The following SGSM2 variants were observed in gnomAD, a reference collection of about 807,000 sequenced individuals.
The protein encoded by SGSM2 is RUN and TBC1 domain containing 1.
SGSM2 carries 89 observed loss-of-function variants against 126.6 expected under a neutral mutation model. That is an observed-to-expected ratio of 0.70 (90% CI 0.59 to 0.84). The LOEUF (loss-of-function observed/expected upper bound fraction) is 0.84, where lower values mean the gene tolerates loss of function less well. SGSM2 is among the 40% of genes least tolerant of loss of function. SGSM2 has a pLI of 0.00. For synonymous variants in SGSM2, 614 were observed against 574.3 expected, an observed-to-expected ratio of 1.07 and a Z score of -0.99; for missense variants, 1,404 against 1,416.6, an observed-to-expected ratio of 0.99 and a Z score of 0.14.
rs2064136038 is a variant in SGSM2, at chr17:2,337,651, G to A, written c.-38G>A. The stretch of plus-strand genomic sequence containing the variant: ...GGCGCGGAGGCGGCGAGGGCGCGGG[G>A]GCTCTGAGGACCGCTCGGCGCCGCC... On this transcript the variant is annotated 5_prime_UTR_variant, in exon 1 of 24. Transcript: ENST00000268989. This position sits in a 1 kb window ranked among gnomAD's most constrained non-coding sequence, Gnocchi z 5.1. The A allele has an allele frequency of 7.2e-7, 1 of 1,389,020 alleles. No individual in the cohort carries two copies. Among genetic ancestry groups the A allele is most frequent in the Non-Finnish European group, 9.5e-7 (1 of 1,052,804 alleles). 86.0% of individuals were successfully genotyped at this position (1,389,020 alleles called of 1,614,324 possible).
chr17:2,352,124 G>A lies in SGSM2; in HGVS notation c.133+8504G>A, dbSNP rs112252548. Among the ~76,000 whole-genome samples the A allele has an allele frequency of 2.7e-3, 404 of 152,274 alleles. 2 individuals are homozygous for A. The highest frequency in any genetic ancestry group is 9.2e-3 in the African/African-American group (384 of 41,546). On this transcript the variant is annotated intron_variant, in intron 2 of 23. Transcript: ENST00000268989. ...ACACTGGCTCCTTCCACCGGCAGTT[G>A]GAGTAAAGATACTTGATGCTTCTTC...
In SGSM2 at chr17:2,380,304, G is replaced by C. The variant is rs1597406095; in HGVS notation, c.*784G>C. On this transcript the variant is annotated 3_prime_UTR_variant, in exon 24 of 24. Transcript: ENST00000268989. ...ACCACGTGTAAGAAGTGATGCTTTT[G>C]CCAGTGGATGATCTGGAATGCGACC... 1 of 1,535,892 alleles carries C rather than the reference G, an allele frequency of 6.5e-7. No individual in the cohort carries two copies. Among genetic ancestry groups the C allele is most frequent in the South Asian group, 1.2e-5 (1 of 84,068 alleles).
In SGSM2 at chr17:2,365,372, G is replaced by T; in HGVS notation, c.1288+31G>T. ...TGTCCCGAGCTTCATCCCGGGGGAG[G>T]AGAGGAAGACGCTCTGGGAGGCGGG... On this transcript the variant is annotated intron_variant, in intron 11 of 23. Coordinates refer to ENST00000268989, the MANE Select transcript of SGSM2 (RefSeq NM_014853.3). 3 of 1,512,520 alleles carry T rather than the reference G, an allele frequency of 2.0e-6. No individual in the cohort carries two copies. The South Asian group carries it at 3.8e-5, about 19-fold the overall frequency. 93.7% of individuals were successfully genotyped at this position (1,512,520 alleles called of 1,614,324 possible).
At chr17:2,376,903 C>A in intron 20 of SGSM2, 56 bp from the exon 21 acceptor site, 1 of 1,598,574 alleles carries the variant, frequency 6.3e-7, no homozygotes. Flanking sequence ...GGAATGGGAG[C>A]CGGCTCTGTC....
chr17:2,352,165 T>C (rs918390515), intron 2 of SGSM2, among the ~76,000 whole-genome samples: 2 of 152,220 alleles, frequency 1.3e-5, no homozygotes, highest in African/African-American at 2.4e-5. Context: ...CAGTTGTTAC[T>C]TGAAAGAGGC....
Position 2,337,506 on chromosome 17 carries a change from G to C in SGSM2, c.-183G>C, listed in dbSNP as rs1190571212. ...GGGCCTGCCGCCTGACGTCTGTGCG[G>C]GGCTCGGAAGATGGCTGCGGAGCCG... On this transcript the variant is annotated 5_prime_UTR_variant, in exon 1 of 24. Transcript: ENST00000268989. This position sits in a 1 kb window ranked among gnomAD's most constrained non-coding sequence, Gnocchi z 5.1. 5.6e-6 allele frequency: 1 copy of C among 176,992 alleles called. No homozygotes were observed. The highest frequency in any genetic ancestry group is 6.4e-5 in the Admixed American group (1 of 15,602). 11.0% of individuals were successfully genotyped at this position (176,992 alleles called of 1,614,324 possible). A position where few individuals can be genotyped will look rare whatever the true frequency, so the allele number is the denominator to read the frequency against.
At chr17:2,344,135 C>T (rs533375190) in intron 2 of SGSM2, among the ~76,000 whole-genome samples, 1 of 152,176 alleles carries the variant, frequency 6.6e-6, no homozygotes, top group Non-Finnish European at 1.5e-5. Flanking sequence ...GGAGCCTGAG[C>T]GTGGGCTAGG....
chr17:2,362,543 C>T lies in SGSM2; in HGVS notation c.458+273C>T, dbSNP rs1457239925. 2.0e-5 allele frequency among the ~76,000 whole-genome samples: 3 copies of T among 152,116 alleles called. No homozygotes were observed. The highest frequency in any genetic ancestry group is 7.2e-5 in the African/African-American group (3 of 41,424). On this transcript the variant is annotated intron_variant, in intron 4 of 23. Coordinates refer to ENST00000268989, the MANE Select transcript of SGSM2 (RefSeq NM_014853.3). This position sits in a 1 kb window ranked among gnomAD's most constrained non-coding sequence, Gnocchi z 4.9. Reference sequence around the variant, plus strand: ...CCCCAAAAACTGCAGGTGACCGCCTCGTTCCCCAAGCAGCCCCTCCCTTGA... The same window carrying T: ...CCCCAAAAACTGCAGGTGACCGCCTTGTTCCCCAAGCAGCCCCTCCCTTGA...
intron 2 of SGSM2, among the ~76,000 whole-genome samples, chr17:2,358,526 T>C (rs530910123): frequency 2.3e-4 from 35 of 151,690 alleles, no homozygotes; most frequent in African/African-American, 7.0e-4. Context: ...CTAGGCAACA[T>C]AGTGAGACCT....
Position 2,379,422 on chromosome 17 carries a change from T to G in SGSM2, c.3068-10T>G, listed in dbSNP as rs1381661171. 6.2e-7 allele frequency: 1 copy of G among 1,610,880 alleles called. No individual in the cohort carries two copies. The highest frequency in any genetic ancestry group is 2.2e-5 in the East Asian group (1 of 44,744). ...TGGGCCTCTCTACAGCTCTTCACGT[T>G]TCCCCCCAGAACGTGCTGAGCATCA... On this transcript the variant is annotated splice_polypyrimidine_tract_variant and intron_variant, in intron 23 of 23. Transcript: ENST00000268989.
At chr17:2,351,959 C>T (rs748364581) in intron 2 of SGSM2, among the ~76,000 whole-genome samples, 1 of 152,098 alleles carries the variant, frequency 6.6e-6, no homozygotes, top group Non-Finnish European at 1.5e-5. Flanking sequence ...CCCTAGTTAC[C>T]GCAGAAACGC....
chr17:2,372,639 G>A lies in SGSM2; in HGVS notation c.1788+151G>A. On this transcript the variant is annotated intron_variant, in intron 15 of 23. Transcript: ENST00000268989. The surrounding 1 kb of genome is among the most constrained non-coding windows in gnomAD (Gnocchi z 6.0). Reference sequence around the variant, plus strand: ...GGTCCCGGCAGAATCTCTTGCAGCTGGGCCTGGGGCTGACACGGGAAGGGG... The same window carrying A: ...GGTCCCGGCAGAATCTCTTGCAGCTAGGCCTGGGGCTGACACGGGAAGGGG... 3 of 1,148,074 alleles carry A rather than the reference G, an allele frequency of 2.6e-6. No individual in the cohort carries two copies. The highest frequency in any genetic ancestry group is 3.7e-6 in the Non-Finnish European group (3 of 806,302). The allele number at this position is 1,148,074 out of a possible 1,614,324, so 71.1% of individuals were successfully genotyped here.
chr17:2,370,754 G>A (rs548437328), intron 12 of SGSM2, among the ~76,000 whole-genome samples: 1 of 152,236 alleles, frequency 6.6e-6, no homozygotes, highest in Non-Finnish European at 1.5e-5. Context: ...ACGGGCAGGT[G>A]ACTCAGATTC....
intron 18 of SGSM2, 113 bp from the exon 19 acceptor site, chr17:2,376,024 A>G (rs1338344665): frequency 6.4e-7 from 1 of 1,551,544 alleles, no homozygotes; most frequent in African/African-American, 1.4e-5. Flanking sequence ...TCCCCACAGG[A>G]CTCGCTCTGG....
chr17:2,342,926 G>A (rs1476284704), intron 1 of SGSM2, among the ~76,000 whole-genome samples: 2 of 152,114 alleles, frequency 1.3e-5, no homozygotes, highest in African/African-American at 2.4e-5. Flanking sequence ...GCAGTGAGCC[G>A]AGATCACGCC....
rs184333951 is a variant in SGSM2, at chr17:2,370,218, T to A, written c.1424-1044T>A. Among the ~76,000 whole-genome samples the A allele has an allele frequency of 1.3e-4, 20 of 152,292 alleles. No homozygotes were observed. In the East Asian group the frequency reaches 3.7e-3, roughly 28 times the overall value. On this transcript the variant is annotated intron_variant, in intron 12 of 23. Transcript: ENST00000268989. ...CTCCATCCCTGTTCTTCCGAACTCT[T>A]CTCCACTCTCTCCCTCCCTCCCGGC... is the stretch of plus-strand genomic sequence containing the variant.
chr17:2,371,900 C>T, intron 13 of SGSM2: 1 of 488,836 alleles, frequency 2.0e-6, no homozygotes, highest in Non-Finnish European at 3.7e-6. Context: ...TCCTGATGAT[C>T]CTCCGCTGCC....
At position 2,361,810 on chromosome 17, in the gene SGSM2, G is replaced by A; in HGVS notation, c.296+11G>A. The A allele has an allele frequency of 1.3e-6, 2 of 1,589,736 alleles. No individual in the cohort carries two copies. The highest frequency in any genetic ancestry group is 8.6e-7 in the Non-Finnish European group (1 of 1,168,072). ...ACAAGCAGAGGGCAGGTGAGCCCTGGGCCAGCCCCTTCTTCCCTCCTTTCA... is the reference window on the plus strand; with the variant it reads ...ACAAGCAGAGGGCAGGTGAGCCCTGAGCCAGCCCCTTCTTCCCTCCTTTCA... On this transcript the variant is annotated intron_variant, in intron 3 of 23. Coordinates refer to ENST00000268989, the MANE Select transcript of SGSM2 (RefSeq NM_014853.3).
At position 2,372,237 on chromosome 17, in the gene SGSM2, C is replaced by T. The variant is rs201675265; in HGVS notation, c.1625C>T (p.Ser542Phe). 1,007 of 1,613,162 alleles carry T rather than the reference C, an allele frequency of 6.2e-4. 6 individuals carry two copies. The highest frequency in any genetic ancestry group is 4.8e-3 in the South Asian group (437 of 91,088). Residue 542 changes from serine to phenylalanine, a missense_variant, in exon 14 of 24, where the codon TCC (serine) becomes TTC (phenylalanine). By Grantham distance (155) the Ser-to-Phe change is radical. Transcript: ENST00000268989. This position sits in a 1 kb window ranked among gnomAD's most constrained non-coding sequence, Gnocchi z 6.0. ...GAGAGTATGAAGAGGCAGATCGTGT[C>T]CCGGGCCTTCTACGGCTGTGAGTGT... ...LCESMKRQIV[S>F]RAFYGWLAHC...
Sources: gnomAD v4.1 joint callset for allele counts (sites outside exome capture counted in the v4.1 genomes callset) on GRCh38, gnomAD v4.1.1 for gene constraint, Gnocchi (gnomAD v3.1) non-coding constraint, MANE v1.5 for transcripts, NCBI Gene and HGNC (gene_info 2026-07-23, HGNC 2026-07-21) for gene names.